Variants in TMPRSS6 observed in about 807,000 individuals in gnomAD.
The protein encoded by TMPRSS6 is transmembrane protease serine 6.
In TMPRSS6, 67 loss-of-function variants were observed where a neutral mutation model predicts 101.5. That is an observed-to-expected ratio of 0.66 (90% CI 0.54 to 0.81). TMPRSS6 has a LOEUF of 0.81. Ranked by LOEUF, TMPRSS6 falls within the 30% of genes least tolerant of loss-of-function variation. The pLI, the probability that TMPRSS6 is intolerant of heterozygous loss-of-function variation, is 0.00. For missense variants in TMPRSS6, 1,034 were observed against 1,088.7 expected, an observed-to-expected ratio of 0.95 and a Z score of 0.71; for synonymous variants, 453 against 464.9, an observed-to-expected ratio of 0.97 and a Z score of 0.33.
chr22:37,089,293 C>T (rs920493479), intron 7 of TMPRSS6, among the ~76,000 whole-genome samples: 2 of 152,134 alleles, frequency 1.3e-5, no homozygotes, highest in African/African-American at 4.8e-5. Context: ...TGAAACATCC[C>T]AACAAGCCAC....
At chr22:37,068,891 C>T (rs968764129) in intron 16 of TMPRSS6, among the ~76,000 whole-genome samples, 182 bp downstream of exon 16, 1 of 152,244 alleles carries the variant, frequency 6.6e-6, no homozygotes, top group East Asian at 1.9e-4. Context: ...GGGCAGGGGC[C>T]TACAGGCCGC....
rs1438915940 is a variant in TMPRSS6, at chr22:37,101,194, G to GA, written c.202+2021_202+2022insT. 6.6e-6 allele frequency among the ~76,000 whole-genome samples: 1 copy of GA among 152,126 alleles called. No homozygotes were observed. The highest frequency in any genetic ancestry group is 1.5e-5 in the Non-Finnish European group (1 of 68,014). On this transcript the variant is annotated intron_variant, in intron 2 of 17. Coordinates refer to ENST00000676104, the MANE Select transcript of TMPRSS6 (RefSeq NM_001374504.1). This position sits in a 1 kb window ranked among gnomAD's most constrained non-coding sequence, Gnocchi z 4.1. Reference sequence around the variant, plus strand: ...TGTGGGCAGAGGGGGCGGGATCGGGGTCCCAGGAGGAGTGCACGTGATGCA... The same window carrying GA: ...TGTGGGCAGAGGGGGCGGGATCGGGGATCCCAGGAGGAGTGCACGTGATGCA...
At chr22:37,085,946 C>T (rs1217302430) in intron 8 of TMPRSS6, among the ~76,000 whole-genome samples, 5 of 151,594 alleles carry the variant, frequency 3.3e-5, no homozygotes, top group African/African-American at 7.3e-5. Context: ...GACACAGGTC[C>T]AGGCGAGTGA....
At chr22:37,087,089 C>G (rs1601550036) in intron 7 of TMPRSS6, among the ~76,000 whole-genome samples, 1 of 152,184 alleles carries the variant, frequency 6.6e-6, no homozygotes, top group Admixed American at 6.5e-5. Context: ...GCGCTAGGCA[C>G]TGTCTGTGAT....
At chr22:37,104,051 T>A (rs1930558746) in intron 1 of TMPRSS6, among the ~76,000 whole-genome samples, 1 of 152,158 alleles carries the variant, frequency 6.6e-6, no homozygotes, top group Non-Finnish European at 1.5e-5. Flanking sequence ...ATGAGACATC[T>A]CACACTTAAT....
At chr22:37,066,730 G>A (rs1926322051) in intron 17 of TMPRSS6, 96 bp downstream of exon 17, 9 of 1,533,810 alleles carry the variant, frequency 5.9e-6, no homozygotes, top group South Asian at 2.3e-5. Flanking sequence ...AGGATGGGAG[G>A]CTTCAGCAGG....
chr22:37,089,554 C>CCCCCCCCCT, intron 7 of TMPRSS6, 24 bp downstream of exon 7: 4 of 1,443,404 alleles, frequency 2.8e-6, no homozygotes, highest in Non-Finnish European at 1.9e-6. Context: ...GCCCTCCCTC[C>CCCCCCCCCT]TGCCCTCCTT....
Position 37,096,649 on chromosome 22 carries a change from CA to C in TMPRSS6, c.402del (p.Phe134LeufsTer22). ...TYYNSSSVYS[F>X]GEGPLTCFFW... Reference sequence around the variant, plus strand: ...TGGTCAGGGGCAAGGACAACTCACCCAAAGGAATAGACGGAGCTGGAGTTGT... The same window carrying C: ...TGGTCAGGGGCAAGGACAACTCACCCAAGGAATAGACGGAGCTGGAGTTGT... On this transcript the variant is annotated frameshift_variant and splice_region_variant, in exon 4 of 18. Coordinates refer to ENST00000676104, the MANE Select transcript of TMPRSS6 (RefSeq NM_001374504.1). LOFTEE classifies it high-confidence loss of function. 6.4e-7 allele frequency: 1 copy of C among 1,562,080 alleles called. No individual in the cohort carries two copies. The highest frequency in any genetic ancestry group is 1.9e-5 in the Admixed American group (1 of 52,154).
intron 6 of TMPRSS6, 125 bp downstream of exon 6, chr22:37,095,426 G>C (rs1204854401): frequency 8.3e-7 from 1 of 1,207,556 alleles, no homozygotes; most frequent in Non-Finnish European, 1.2e-6. Flanking sequence ...GGCATCCCCT[G>C]GGTGACTCTT....
chr22:37,092,634 T>A (rs1929371317), intron 6 of TMPRSS6, among the ~76,000 whole-genome samples: 1 of 152,210 alleles, frequency 6.6e-6, no homozygotes, highest in African/African-American at 2.4e-5. Context: ...GTAGCTGGGA[T>A]TACAGGCATG....
chr22:37,092,771 C>A (rs898808349), intron 6 of TMPRSS6, among the ~76,000 whole-genome samples: 2 of 152,252 alleles, frequency 1.3e-5, no homozygotes. Context: ...GCTGGGATTA[C>A]AGGCTTGTGC....
chr22:37,089,689 C>T lies in TMPRSS6; in HGVS notation c.725G>A (p.Gly242Asp). The T allele has an allele frequency of 6.2e-7, 1 of 1,612,178 alleles. No individual in the cohort carries two copies. Among genetic ancestry groups the T allele is most frequent in the Non-Finnish European group, 8.5e-7 (1 of 1,179,276 alleles). ...GAGTTTGAGCATGAGGTCCTTGGGG[C>T]CCTGCAGGTGCCACAGGCAGCTGGA... The part of the protein sequence containing the change: ...LASSCLWHLQ[G>D]PKDLMLKLRL... The change falls in exon 7 of 18, where the codon GGC becomes GAC. Residue 242 changes from glycine (G) to aspartate (D), a missense_variant. Gly to Asp is a moderately conservative substitution (Grantham distance 94, BLOSUM62 -1). Coordinates refer to ENST00000676104, the MANE Select transcript of TMPRSS6 (RefSeq NM_001374504.1).
intron 10 of TMPRSS6, among the ~76,000 whole-genome samples, chr22:37,075,929 G>T (rs1372196502): frequency 6.7e-6 from 1 of 149,124 alleles, no homozygotes; most frequent in Non-Finnish European, 1.5e-5. Context: ...ACAGAAGGTA[G>T]GAAGGAAGGA....
intron 7 of TMPRSS6, among the ~76,000 whole-genome samples, chr22:37,088,240 G>A (rs1010368542): frequency 2.0e-5 from 3 of 152,108 alleles, no homozygotes; most frequent in Non-Finnish European, 2.9e-5. Context: ...CGCACATGCC[G>A]CAGATCGAGG....
chr22:37,086,204 G>T, intron 8 of TMPRSS6, 79 bp downstream of exon 8: 8 of 1,594,802 alleles, frequency 5.0e-6, no homozygotes, highest in Non-Finnish European at 6.9e-6. Context: ...GGGCAAAAAA[G>T]GTGAGCAGTG....
intron 1 of TMPRSS6, among the ~76,000 whole-genome samples, chr22:37,107,764 C>A (rs983219383): frequency 1.3e-5 from 2 of 152,180 alleles, no homozygotes; most frequent in African/African-American, 4.8e-5. Flanking sequence ...GGCCTCGTGG[C>A]TCCCTCCTTT....
At chr22:37,089,303 C>T (rs922510690) in intron 7 of TMPRSS6, among the ~76,000 whole-genome samples, 7 of 152,146 alleles carry the variant, frequency 4.6e-5, no homozygotes, top group African/African-American at 9.7e-5. Flanking sequence ...CAACAAGCCA[C>T]GGTGCCTCCC....
intron 1 of TMPRSS6, among the ~76,000 whole-genome samples, chr22:37,106,234 T>A (rs760642216): frequency 1.4e-4 from 21 of 151,950 alleles, no homozygotes; most frequent in Non-Finnish European, 2.5e-4. Flanking sequence ...GTCAAGCAGA[T>A]TGACTTCAGA....
chr22:37,095,629 C>CAAAAAAAAAAAAAAAAAAAAAAA, intron 5 of TMPRSS6, 37 bp from the exon 6 acceptor site: 2 of 1,176,576 alleles, frequency 1.7e-6, no homozygotes, highest in East Asian at 2.7e-5. Context: ...TAAACAAGAA[C>CAAAAAAAAAAAAAAAAAAAAAAA]AAAAAAAAAA....
Sources: allele counts gnomAD v4.1 joint callset (sites outside exome capture counted in the v4.1 genomes callset), GRCh38; gene constraint gnomAD v4.1.1; non-coding constraint Gnocchi (gnomAD v3.1); transcripts MANE v1.5; gene names NCBI Gene and HGNC (gene_info 2026-07-23, HGNC 2026-07-21).